The following TENM3 variants were observed in gnomAD, a reference collection of about 807,000 sequenced individuals.
The protein encoded by TENM3 is teneurin transmembrane protein 3, also known as teneurin-3.
A neutral mutation model predicts 255.1 loss-of-function variants in TENM3; 63 were observed. That is an observed-to-expected ratio of 0.25 (90% CI 0.20 to 0.30). TENM3 has a LOEUF of 0.30. Ranked by LOEUF, TENM3 falls within the 10% of genes least tolerant of loss-of-function variation. The probability of loss-of-function intolerance (pLI) is 1.00; values close to 1 mark genes in which losing one functional copy is unlikely to be tolerated. For missense variants in TENM3, 2,929 were observed against 3,461.1 expected, an observed-to-expected ratio of 0.85 and a Z score of 3.86; for synonymous variants, 1,306 against 1,322.3, an observed-to-expected ratio of 0.99 and a Z score of 0.27.
chr4:182,313,409 C>T (rs1762564705), intron 1 of TENM3, among the ~76,000 whole-genome samples: 1 of 151,588 alleles, frequency 6.6e-6, no homozygotes, highest in South Asian at 2.1e-4. Context: ...GTTCATTATA[C>T]TAAAAATAAC....
intron 3 of TENM3, among the ~76,000 whole-genome samples, chr4:182,352,846 G>T (rs773154894): frequency 2.0e-5 from 3 of 152,070 alleles, no homozygotes; most frequent in Non-Finnish European, 2.9e-5. Flanking sequence ...TCTAAAGAGA[G>T]AACTTCAGCT....
At chr4:182,445,112 A>G (rs547808038) in intron 3 of TENM3, among the ~76,000 whole-genome samples, 2 of 152,256 alleles carry the variant, frequency 1.3e-5, no homozygotes, top group African/African-American at 4.8e-5. Context: ...CCTGGCCAAT[A>G]ACCAGCTTTA....
chr4:181,731,979 A>T, the TENM3 span, among the ~76,000 whole-genome samples: 1 of 152,228 alleles, frequency 6.6e-6, no homozygotes, highest in African/African-American at 2.4e-5. Flanking sequence ...ATTTTATTTA[A>T]ATATCAATCT....
At chr4:182,719,075 C>G (rs1759438786) in intron 13 of TENM3, among the ~76,000 whole-genome samples, 1 of 152,036 alleles carries the variant, frequency 6.6e-6, no homozygotes, top group East Asian at 1.9e-4. Flanking sequence ...GGCCAGCTCC[C>G]CCGTGGGCAC....
the TENM3 span, among the ~76,000 whole-genome samples, chr4:181,890,776 G>A: frequency 6.6e-6 from 1 of 152,168 alleles, no homozygotes; most frequent in Non-Finnish European, 1.5e-5. Context: ...TAGGGTTGGT[G>A]AAGTTTTCAG....
chr4:181,885,851 G>A, the TENM3 span, among the ~76,000 whole-genome samples: 2 of 152,108 alleles, frequency 1.3e-5, no homozygotes, highest in African/African-American at 2.4e-5. Context: ...GCCATTCTTA[G>A]AGATAAAACA....
At chr4:182,178,257 C>T (rs1488057061) in intron 1 of TENM3, among the ~76,000 whole-genome samples, 3 of 151,976 alleles carry the variant, frequency 2.0e-5, no homozygotes, top group Non-Finnish European at 4.4e-5. Context: ...ACTAAATGGC[C>T]CACTTTATTC....
chr4:181,986,693 A>G, the TENM3 span, among the ~76,000 whole-genome samples: 3 of 151,966 alleles, frequency 2.0e-5, no homozygotes, highest in African/African-American at 4.8e-5. Context: ...TCTATGTGTA[A>G]AGGTTCCAGT....
intron 1 of TENM3, among the ~76,000 whole-genome samples, chr4:182,148,557 T>C (rs1329599907): frequency 6.6e-6 from 1 of 152,140 alleles, no homozygotes; most frequent in Non-Finnish European, 1.5e-5. Flanking sequence ...ATAGTAACTG[T>C]AATCCATCTA....
At chr4:182,491,944 G>A (rs1368311735) in intron 3 of TENM3, among the ~76,000 whole-genome samples, 1 of 152,222 alleles carries the variant, frequency 6.6e-6, no homozygotes, top group Non-Finnish European at 1.5e-5. Flanking sequence ...TGCACCTGCT[G>A]AGTGCCTGAG....
intron 3 of TENM3, among the ~76,000 whole-genome samples, chr4:182,591,981 T>G (rs1560972680): frequency 6.6e-6 from 1 of 152,156 alleles, no homozygotes; most frequent in Admixed American, 6.5e-5. Flanking sequence ...TATTGCCACC[T>G]AATTTTTTTC....
the TENM3 span, among the ~76,000 whole-genome samples, chr4:181,838,723 A>G: frequency 6.6e-6 from 1 of 152,082 alleles, no homozygotes; most frequent in Non-Finnish European, 1.5e-5. Context: ...TATTTATAGC[A>G]TTCTTATTTT....
At chr4:181,511,300 C>A in the TENM3 span, among the ~76,000 whole-genome samples, 1 of 152,196 alleles carries the variant, frequency 6.6e-6, no homozygotes, top group Non-Finnish European at 1.5e-5. Flanking sequence ...CTTGTCACAG[C>A]AGCCATAGGC....
At chr4:181,511,059 A>G in the TENM3 span, among the ~76,000 whole-genome samples, 1 of 152,212 alleles carries the variant, frequency 6.6e-6, no homozygotes, top group Admixed American at 6.5e-5. Context: ...TAGTTAAAAT[A>G]TCAGAAGAAT....
At chr4:182,048,946 T>A in the TENM3 span, among the ~76,000 whole-genome samples, 7 of 152,180 alleles carry the variant, frequency 4.6e-5, no homozygotes, top group African/African-American at 1.4e-4. Flanking sequence ...TGCTCTGATG[T>A]GGCCAATTAG....
At chr4:182,279,697 G>A (rs570093217) in intron 1 of TENM3, among the ~76,000 whole-genome samples, 38 of 152,210 alleles carry the variant, frequency 2.5e-4, no homozygotes, top group African/African-American at 7.7e-4. Flanking sequence ...TTCTTCTCTT[G>A]TTCTGTCGTT....
chr4:182,757,090 A>T (rs922716592), intron 22 of TENM3, among the ~76,000 whole-genome samples: 7 of 152,098 alleles, frequency 4.6e-5, no homozygotes, highest in African/African-American at 1.7e-4. Flanking sequence ...AGGCAGGCGG[A>T]TCACGAGGTC....
chr4:182,288,526 G>A (rs746912340), intron 1 of TENM3, among the ~76,000 whole-genome samples: 4 of 152,162 alleles, frequency 2.6e-5, no homozygotes, highest in African/African-American at 7.2e-5. Context: ...TGTCTGGCAC[G>A]TGGTGGGTTT....
chr4:182,725,091 C>T (rs1399297265), intron 13 of TENM3, among the ~76,000 whole-genome samples: 5 of 151,032 alleles, frequency 3.3e-5, no homozygotes, highest in Admixed American at 6.6e-5. Flanking sequence ...CTCTCCCTGT[C>T]GCCCAGGCTA....
Sources: gnomAD v4.1 joint callset for allele counts (sites outside exome capture counted in the v4.1 genomes callset) on GRCh38, gnomAD v4.1.1 for gene constraint, MANE v1.5 for transcripts, NCBI Gene and HGNC (gene_info 2026-07-23, HGNC 2026-07-21) for gene names.